The following TESC variants were observed in gnomAD, a reference collection of about 807,000 sequenced individuals.
TESC encodes the protein calcineurin B homologous protein 3.
TESC carries 19 observed loss-of-function variants against 31.0 expected under a neutral mutation model. That is an observed-to-expected ratio of 0.61 (90% CI 0.43 to 0.90). TESC has a LOEUF of 0.90. TESC is among the 40% of genes least tolerant of loss of function. The probability of loss-of-function intolerance (pLI) is 0.00; values close to 1 mark genes in which losing one functional copy is unlikely to be tolerated. For synonymous variants in TESC, 109 were observed against 114.8 expected (o/e 0.95, Z 0.32); for missense variants, 248 against 303.8 (o/e 0.82, Z 1.36).
At chr12:117,069,053 G>T (rs1238335757) in intron 2 of TESC, among the ~76,000 whole-genome samples, 3 of 151,548 alleles carry the variant, frequency 2.0e-5, no homozygotes, top group Non-Finnish European at 1.5e-5. Flanking sequence ...AGAGCCCCCC[G>T]AATGGTAGGT....
chr12:117,076,633 G>A (rs539725679), intron 1 of TESC, among the ~76,000 whole-genome samples: 58 of 152,264 alleles, frequency 3.8e-4, no homozygotes, highest in Non-Finnish European at 7.8e-4. Flanking sequence ...TAGCAGAGAC[G>A]GGGTTTCGCC....
chr12:117,053,779 C>T (rs1306381882), intron 3 of TESC: 6 of 152,470 alleles, frequency 3.9e-5, no homozygotes, highest in Non-Finnish European at 7.3e-5. Context: ...CACACACGCA[C>T]GCACCCACAG....
chr12:117,095,351 G>T (rs1403196605), intron 1 of TESC, among the ~76,000 whole-genome samples: 1 of 152,184 alleles, frequency 6.6e-6, no homozygotes, highest in Non-Finnish European at 1.5e-5. Context: ...GGGATTATAG[G>T]CGTGAGCCAC....
intron 1 of TESC, among the ~76,000 whole-genome samples, chr12:117,083,416 C>G (rs528732687): frequency 1.3e-5 from 2 of 152,108 alleles, no homozygotes; most frequent in Admixed American, 1.3e-4. Flanking sequence ...AGAAAATGTT[C>G]GTCCACACCA....
chr12:117,046,579 T>G lies in TESC; in HGVS notation c.499A>C (p.Ser167Arg). The G allele has an allele frequency of 6.4e-7, 1 of 1,550,914 alleles. No homozygotes were observed. The highest frequency in any genetic ancestry group is 1.4e-5 in the African/African-American group (1 of 73,168). ...IADGAMMEAA[S>R]VCMGQMEPDQ... The stretch of plus-strand genomic sequence containing the variant: ...CTCACCATCTGCCCCATGCACACGC[T>G]GGCCGCCTCCATCATGGCCCCGTCG... The change falls in exon 6 of 8, where the codon AGC (serine) becomes CGC (arginine). Residue 167 changes from serine (S) to arginine (R), a missense_variant. By Grantham distance (110) the Ser-to-Arg change is moderately radical. Transcript: ENST00000335209.
chr12:117,085,564 A>T (rs1207581057), intron 1 of TESC, among the ~76,000 whole-genome samples: 1 of 152,160 alleles, frequency 6.6e-6, no homozygotes, highest in East Asian at 1.9e-4. Flanking sequence ...TGCCAGCCCC[A>T]GGACACCAAG....
In TESC at chr12:117,039,134, C is replaced by T. The variant is rs756877973; in HGVS notation, c.644G>A (p.Ter215=). 1 of 1,613,944 alleles carries T rather than the reference C, an allele frequency of 6.2e-7. No homozygotes were observed. Among genetic ancestry groups the T allele is most frequent in the Non-Finnish European group, 8.5e-7 (1 of 1,179,936 alleles). ...TTTCTCCGCGGAGGTGGCGGTGGGT[C>T]AGTGGCAGAGGGCCATGGTTTCCAT... ...LNMETMALCH[*] The change falls in exon 8 of 8, where the codon TGA becomes TAA. Residue 215 remains the stop codon, a stop_retained_variant. Coordinates refer to ENST00000335209, the MANE Select transcript of TESC (RefSeq NM_017899.4).
intron 1 of TESC, among the ~76,000 whole-genome samples, chr12:117,086,263 CTTTAA>C (rs1207600438): frequency 6.8e-6 from 1 of 147,830 alleles, no homozygotes; most frequent in East Asian, 1.9e-4. Flanking sequence ...GAATTATACA[CTTTAA>C]TTTTTTTTTT....
intron 7 of TESC, among the ~76,000 whole-genome samples, chr12:117,039,599 G>T (rs549251074): frequency 2.0e-5 from 3 of 152,150 alleles, no homozygotes; most frequent in Non-Finnish European, 4.4e-5. Context: ...TTCACAGAAC[G>T]TTGGGGGCTC....
chr12:117,099,405 G>T lies in TESC; in HGVS notation c.-123C>A. The T allele has an allele frequency of 1.0e-6, 1 of 1,004,858 alleles. No individual in the cohort carries two copies. The highest frequency in any genetic ancestry group is 1.3e-6 in the Non-Finnish European group (1 of 773,554). 62.2% of individuals were successfully genotyped at this position (1,004,858 alleles called of 1,614,324 possible). ...GTCGGGACGCCGGCGAAGGCTCGGA[G>T]CCGCGGGTTCCGCGTGGGGCCGGAG... On this transcript the variant is annotated 5_prime_UTR_variant, in exon 1 of 8. Coordinates refer to ENST00000335209, the MANE Select transcript of TESC (RefSeq NM_017899.4).
chr12:117,042,233 C>T (rs369386997), intron 6 of TESC, among the ~76,000 whole-genome samples: 2 of 152,128 alleles, frequency 1.3e-5, no homozygotes, highest in African/African-American at 2.4e-5. Flanking sequence ...GGGAGCCGAG[C>T]GTCGCTCACC....
chr12:117,096,504 C>T (rs765673959), intron 1 of TESC, among the ~76,000 whole-genome samples: 4 of 151,924 alleles, frequency 2.6e-5, no homozygotes, highest in Non-Finnish European at 4.4e-5. Context: ...GGTCATGTAG[C>T]TCAGAGAGGT....
chr12:117,096,901 AC>A (rs1171954780), intron 1 of TESC, among the ~76,000 whole-genome samples: 3 of 151,656 alleles, frequency 2.0e-5, no homozygotes, highest in East Asian at 1.9e-4. Flanking sequence ...TGATTTGCAC[AC>A]CCCTGGCTCA....
intron 2 of TESC, among the ~76,000 whole-genome samples, chr12:117,066,068 C>T (rs1427759401): frequency 2.0e-5 from 3 of 152,090 alleles, no homozygotes; most frequent in Non-Finnish European, 4.4e-5. Context: ...TCTTCACACA[C>T]CGGCTCCTTC....
intron 1 of TESC, among the ~76,000 whole-genome samples, chr12:117,078,796 C>T (rs1324110778): frequency 1.3e-5 from 2 of 152,108 alleles, no homozygotes; most frequent in African/African-American, 4.8e-5. Flanking sequence ...GACTGTTTTG[C>T]TTTTGGTTCA....
At chr12:117,068,921 GA>G (rs1308308228) in intron 2 of TESC, among the ~76,000 whole-genome samples, 2 of 152,072 alleles carry the variant, frequency 1.3e-5, no homozygotes, top group Non-Finnish European at 2.9e-5. Flanking sequence ...CCCAAAAAGA[GA>G]AAGAAAAAGT....
intron 2 of TESC, among the ~76,000 whole-genome samples, chr12:117,063,740 T>C (rs1279854518): frequency 2.0e-5 from 3 of 152,078 alleles, no homozygotes; most frequent in Non-Finnish European, 4.4e-5. Flanking sequence ...CCAGTGCCCC[T>C]CTGATTCCCC....
At chr12:117,040,084 C>T (rs186366233) in intron 7 of TESC, among the ~76,000 whole-genome samples, 3 of 152,256 alleles carry the variant, frequency 2.0e-5, no homozygotes, top group Non-Finnish European at 2.9e-5. Flanking sequence ...TCTCCGGGGA[C>T]AGCCACGAGG....
chr12:117,087,778 G>A (rs1955238471), intron 1 of TESC, among the ~76,000 whole-genome samples: 1 of 152,228 alleles, frequency 6.6e-6, no homozygotes, highest in Non-Finnish European at 1.5e-5. Context: ...GGGAGGTGGA[G>A]GTTGCAGTGA....
Sources: allele counts gnomAD v4.1 joint callset (sites outside exome capture counted in the v4.1 genomes callset), GRCh38; gene constraint gnomAD v4.1.1; transcripts MANE v1.5; gene names NCBI Gene and HGNC (gene_info 2026-07-23, HGNC 2026-07-21).